The following CHM variants were observed in gnomAD, a reference collection of about 807,000 sequenced individuals.
CHM encodes the protein CHM Rab escort protein.
CHM carries 10 observed loss-of-function variants against 49.0 expected under a neutral mutation model. That is an observed-to-expected ratio of 0.20 (90% CI 0.13 to 0.35). The LOEUF (loss-of-function observed/expected upper bound fraction) is 0.35. CHM is among the 10% of genes least tolerant of loss of function. The probability of loss-of-function intolerance (pLI) is 1.00; values close to 1 mark genes in which losing one functional copy is unlikely to be tolerated. For synonymous variants in CHM, 184 were observed against 167.5 expected, an observed-to-expected ratio of 1.10 and a Z score of -0.76; for missense variants, 455 against 478.4, an observed-to-expected ratio of 0.95 and a Z score of 0.46.
Position 85,972,544 on chromosome X carries a change from G to A in CHM, c.314+6223C>T, listed in dbSNP as rs186042283. On this transcript the variant is annotated intron_variant, in intron 4 of 14. Coordinates refer to ENST00000357749, the MANE Select transcript of CHM (RefSeq NM_000390.4). ...GGCCCGGTGAGAAATTGACCACAGC[G>A]CCGGTGGGCTGGCACTGCTGGGGGA... 8.9e-3 allele frequency among the ~76,000 whole-genome samples: 1,007 copies of A among 113,194 alleles called. 15 individuals are homozygous for A. Among genetic ancestry groups the A allele is most frequent in the African/African-American group, 0.03 (942 of 31,205 alleles).
Position 85,979,041 on chromosome X carries a change from C to A in CHM, c.190-150G>T, listed in dbSNP as rs759373639. The A allele has an allele frequency of 9.1e-5, 48 of 528,433 alleles. No individual in the cohort carries two copies. The East Asian group carries it at 2.1e-3, about 23-fold the overall frequency. The allele number at this position is 528,433 out of a possible 1,213,427, so 43.5% of individuals were successfully genotyped here. A position where few individuals can be genotyped will look rare whatever the true frequency, so the allele number is the denominator to read the frequency against. ...CACCTCAGAGTCACCAAAGAAAGTC[C>A]AACAAGTGTTTCAACTTCAAAGGAA... is the stretch of plus-strand genomic sequence containing the variant. On this transcript the variant is annotated intron_variant, in intron 3 of 14. Coordinates refer to ENST00000357749, the MANE Select transcript of CHM (RefSeq NM_000390.4).
intron 8 of CHM, among the ~76,000 whole-genome samples, chrX:85,952,998 T>G (rs1454668018): frequency 8.9e-6 from 1 of 112,764 alleles, no homozygotes; most frequent in Non-Finnish European, 1.9e-5. Flanking sequence ...TATCCTTGTT[T>G]GCAGATGATA....
At position 85,929,658 on chromosome X, in the gene CHM, A is replaced by G. The variant is rs188806772; in HGVS notation, c.1167-18320T>C. Among the ~76,000 whole-genome samples the G allele has an allele frequency of 3.6e-5, 4 of 112,181 alleles. No individual in the cohort carries two copies. The East Asian group carries it at 1.1e-3, about 31-fold the overall frequency. On this transcript the variant is annotated intron_variant, in intron 8 of 14. Coordinates refer to ENST00000357749, the MANE Select transcript of CHM (RefSeq NM_000390.4). ...ATACGCATAAGATAAAACAGCCCGAATTTATAGTCAATTCCTCCCTTAACT... is the reference window on the plus strand; with the variant it reads ...ATACGCATAAGATAAAACAGCCCGAGTTTATAGTCAATTCCTCCCTTAACT...
At chrX:86,022,770 T>C (rs1933659833) in intron 2 of CHM, among the ~76,000 whole-genome samples, 1 of 111,368 alleles carries the variant, frequency 9.0e-6, no homozygotes, top group African/African-American at 3.3e-5. Context: ...TGAATGGATC[T>C]CTTCACCAAG....
chrX:85,945,630 A>G (rs1342440063), intron 8 of CHM, among the ~76,000 whole-genome samples: 1 of 107,742 alleles, frequency 9.3e-6, no homozygotes, highest in African/African-American at 3.4e-5. Context: ...TAAATAGCCC[A>G]GTGTCAGGTA....
In CHM at chrX:85,919,720, G is replaced by A. The variant is rs539687786; in HGVS notation, c.1167-8382C>T. Among the ~76,000 whole-genome samples the A allele has an allele frequency of 3.6e-5, 4 of 111,842 alleles. No individual in the cohort carries two copies. In the Admixed American group the frequency reaches 3.8e-4, roughly 11 times the overall value. ...TTTAAATATCCTCTTAATTTTAAAT[G>A]AGAACATAAGAAGTATTTTGTGCTC... is the stretch of plus-strand genomic sequence containing the variant. On this transcript the variant is annotated intron_variant, in intron 8 of 14. Transcript: ENST00000357749.
At position 85,864,567 on chromosome X, in the gene CHM, T is replaced by C. The variant is rs1603230947; in HGVS notation, c.*63A>G. 7 of 954,465 alleles carry C rather than the reference T, an allele frequency of 7.3e-6. No individual in the cohort carries two copies. Among genetic ancestry groups the C allele is most frequent in the Non-Finnish European group, 1.0e-5 (7 of 669,705 alleles). The allele number at this position is 954,465 out of a possible 1,213,427, so 78.7% of individuals were successfully genotyped here. ...TAACATTTCTCAAACAGTCCTTCTATCAAGTAGACTCTGAGACCAGTCAGA... is the reference window on the plus strand; with the variant it reads ...TAACATTTCTCAAACAGTCCTTCTACCAAGTAGACTCTGAGACCAGTCAGA... On this transcript the variant is annotated 3_prime_UTR_variant, in exon 15 of 15. Coordinates refer to ENST00000357749, the MANE Select transcript of CHM (RefSeq NM_000390.4).
At position 86,029,397 on chromosome X, in the gene CHM, C is replaced by T. The variant is rs1933957081; in HGVS notation, c.50-1840G>A. ...AGCAGCTTAGTTAAAAGGATAATGG[C>T]AAAGAAATACTCAGGAAGCAGAATT... On this transcript the variant is annotated intron_variant, in intron 1 of 14. Transcript: ENST00000357749. 3.6e-5 allele frequency among the ~76,000 whole-genome samples: 4 copies of T among 111,344 alleles called. No homozygotes were observed. In the South Asian group the frequency reaches 1.1e-3, roughly 32 times the overall value.
intron 2 of CHM, among the ~76,000 whole-genome samples, chrX:86,009,897 A>G (rs985419390): frequency 6.3e-5 from 7 of 110,797 alleles, no homozygotes; most frequent in African/African-American, 2.3e-4. Context: ...ATCCTGGAAC[A>G]GAATAACATT....
At chrX:85,890,735 T>C (rs1204872221) in intron 12 of CHM, among the ~76,000 whole-genome samples, 1 of 111,595 alleles carries the variant, frequency 9.0e-6, no homozygotes, top group African/African-American at 3.3e-5. Context: ...AACAGACGAA[T>C]ACAGTAAATC....
At chrX:85,928,381 A>T (rs1331060482) in intron 8 of CHM, among the ~76,000 whole-genome samples, 1 of 110,221 alleles carries the variant, frequency 9.1e-6, no homozygotes, top group Non-Finnish European at 1.9e-5. Context: ...CATCTCTACT[A>T]AAAATACAAA....
chrX:85,982,814 A>C (rs1473123177), intron 2 of CHM, among the ~76,000 whole-genome samples: 1 of 111,430 alleles, frequency 9.0e-6, no homozygotes, highest in Middle Eastern at 4.2e-3. Context: ...ACAATTAAAC[A>C]AAAAATAAAA....
chrX:85,907,202 G>C (rs977264266), intron 9 of CHM, among the ~76,000 whole-genome samples: 1 of 112,158 alleles, frequency 8.9e-6, no homozygotes, highest in African/African-American at 3.2e-5. Context: ...CCTGACATCA[G>C]AAAAATATAT....
chrX:86,034,915 T>C (rs1043464718), intron 1 of CHM, among the ~76,000 whole-genome samples: 1 of 112,277 alleles, frequency 8.9e-6, no homozygotes, highest in Admixed American at 9.4e-5. Context: ...GGCAGACCAT[T>C]CTGAGAACAG....
chrX:85,994,894 C>G (rs1932368272), intron 2 of CHM, among the ~76,000 whole-genome samples: 1 of 111,615 alleles, frequency 9.0e-6, no homozygotes, highest in Non-Finnish European at 1.9e-5. Flanking sequence ...TATGTAGAAG[C>G]AGTACATTTC....
chrX:85,871,320 A>AAAAAAAAAAAAAAAAAAAAAAG (rs1487188345), intron 14 of CHM, among the ~76,000 whole-genome samples: 19 of 102,993 alleles, frequency 1.8e-4, no homozygotes, highest in African/African-American at 6.4e-4. Context: ...AAAAAAAAAA[A>AAAAAAAAAAAAAAAAAAAAAAG]AAGAAGAAAT....
intron 11 of CHM, among the ~76,000 whole-genome samples, chrX:85,896,153 GA>G (rs1236621302): frequency 0.018 from 1,574 of 86,858 alleles, 29 homozygotes; most frequent in East Asian, 0.065. Flanking sequence ...AAAAAAAAAA[GA>G]AAAAAAAAAA....
intron 7 of CHM, among the ~76,000 whole-genome samples, chrX:85,957,261 T>G (rs1213289104): frequency 5.4e-5 from 6 of 111,844 alleles, no homozygotes; most frequent in Non-Finnish European, 5.6e-5. Context: ...GCTCTGACAC[T>G]AAAATGGCAT....
intron 5 of CHM, among the ~76,000 whole-genome samples, chrX:85,959,406 T>A (rs1447882817): frequency 1.8e-5 from 2 of 111,147 alleles, no homozygotes; most frequent in Admixed American, 1.9e-4. Context: ...AATGATAGAA[T>A]ACACCAGGCC....
Sources: gnomAD v4.1 joint callset for allele counts (sites outside exome capture counted in the v4.1 genomes callset) on GRCh38, gnomAD v4.1.1 for gene constraint, MANE v1.5 for transcripts, NCBI Gene and HGNC (gene_info 2026-07-23, HGNC 2026-07-21) for gene names.